SGCD: variants seen among roughly 807,000 people sequenced by gnomAD.
SGCD encodes the protein delta-sarcoglycan.
SGCD carries 18 observed loss-of-function variants against 36.6 expected under a neutral mutation model. The ratio of observed to expected loss-of-function variants is 0.49; its 90% CI spans 0.34 to 0.73. SGCD has a LOEUF of 0.73. SGCD is among the 30% of genes least tolerant of loss of function. The probability of loss-of-function intolerance (pLI) is 0.01; values close to 1 mark genes in which losing one functional copy is unlikely to be tolerated. For synonymous variants in SGCD, 133 were observed against 130.6 expected, an observed-to-expected ratio of 1.02 and a Z score of -0.12; for missense variants, 387 against 346.7, an observed-to-expected ratio of 1.12 and a Z score of -0.92.
At chr5:155,804,872 CAT>C in the SGCD span, among the ~76,000 whole-genome samples, 1 of 152,270 alleles carries the variant, frequency 6.6e-6, no homozygotes, top group East Asian at 1.9e-4. Context: ...ATGTACCAGA[CAT>C]GTGTAGGTTG....
In SGCD at chr5:156,729,464, C is replaced by T. The variant is rs150894262; in HGVS notation, c.576-28117C>T. Among the ~76,000 whole-genome samples the T allele has an allele frequency of 6.9e-3, 1,051 of 152,216 alleles. 6 individuals carry two copies. The highest frequency in any genetic ancestry group is 0.012 in the Non-Finnish European group (789 of 68,010). On this transcript the variant is annotated intron_variant, in intron 7 of 8. Transcript: ENST00000337851. ...GCTGTGAGCTCTCATGCTTTAGCTACGTGGAATTGATGATGGGATCTATCT... is the reference window on the plus strand; with the variant it reads ...GCTGTGAGCTCTCATGCTTTAGCTATGTGGAATTGATGATGGGATCTATCT...
At chr5:156,748,279 G>A (rs975590835) in intron 7 of SGCD, among the ~76,000 whole-genome samples, 5 of 152,080 alleles carry the variant, frequency 3.3e-5, no homozygotes, top group African/African-American at 1.2e-4. Context: ...TGGATGCGAT[G>A]GTGATTACCT....
intron 4 of SGCD, among the ~76,000 whole-genome samples, chr5:156,586,988 G>A (rs962630190): frequency 1.3e-5 from 2 of 152,046 alleles, no homozygotes; most frequent in Non-Finnish European, 2.9e-5. Flanking sequence ...TTTCACAGAT[G>A]CAGAAACTAA....
chr5:156,124,711 G>A (rs1190021079), intron 3 of SGCD, among the ~76,000 whole-genome samples: 1 of 151,988 alleles, frequency 6.6e-6, no homozygotes, highest in Admixed American at 6.6e-5. Flanking sequence ...GCGCACATGT[G>A]TATATGCATA....
At chr5:156,188,679 C>T (rs1763821821) in intron 3 of SGCD, among the ~76,000 whole-genome samples, 1 of 101,840 alleles carries the variant, frequency 9.8e-6, no homozygotes, top group Admixed American at 9.5e-5. Context: ...CCCCCCCCGA[C>T]ACACATACAC....
intron 3 of SGCD, among the ~76,000 whole-genome samples, chr5:156,484,328 C>CTA (rs1755565785): frequency 1.3e-5 from 2 of 152,164 alleles, no homozygotes; most frequent in Admixed American, 1.3e-4. Context: ...ATGCCATGTA[C>CTA]TACACTAGGT....
chr5:155,990,138 G>GA (rs1203671771), intron 1 of SGCD, among the ~76,000 whole-genome samples: 1 of 152,072 alleles, frequency 6.6e-6, no homozygotes, highest in African/African-American at 2.4e-5. Flanking sequence ...TCCATGTAGT[G>GA]AAAAAAGCAT....
intron 3 of SGCD, among the ~76,000 whole-genome samples, chr5:156,259,580 T>C (rs1327532900): frequency 6.6e-6 from 1 of 152,200 alleles, no homozygotes; most frequent in Non-Finnish European, 1.5e-5. Context: ...ATGTTTAGGT[T>C]TGTGATCCAT....
intron 1 of SGCD, among the ~76,000 whole-genome samples, chr5:155,993,592 G>A (rs6889789): frequency 0.017 from 2,597 of 152,120 alleles, 62 homozygotes; most frequent in African/African-American, 0.059. Context: ...TGATCCACCC[G>A]CCTCAGCCTT....
intron 6 of SGCD, among the ~76,000 whole-genome samples, chr5:156,601,098 G>T (rs1016464079): frequency 5.9e-5 from 9 of 152,088 alleles, no homozygotes; most frequent in Non-Finnish European, 1.0e-4. Context: ...GTAGTTGGTT[G>T]TCTCTTCTTT....
At chr5:156,487,788 C>CAAAAAAAAAAAA (rs56006984) in intron 3 of SGCD, among the ~76,000 whole-genome samples, 13 of 41,384 alleles carry the variant, frequency 3.1e-4, no homozygotes, top group Non-Finnish European at 4.4e-4. Context: ...ACTCTGTCAC[C>CAAAAAAAAAAAA]AAAAAAAAAA....
chr5:156,589,441 G>A (rs1760633607), intron 5 of SGCD, 123 bp downstream of exon 5: 4 of 608,608 alleles, frequency 6.6e-6, no homozygotes, highest in Non-Finnish European at 1.2e-5. Flanking sequence ...TGTTGAGAAA[G>A]AGAATGTAGC....
chr5:156,372,151 G>C (rs761292216), intron 3 of SGCD, among the ~76,000 whole-genome samples: 2 of 152,126 alleles, frequency 1.3e-5, no homozygotes, highest in Non-Finnish European at 2.9e-5. Context: ...GCCCTCTTTG[G>C]ACCTCAGCTA....
the SGCD span, among the ~76,000 whole-genome samples, chr5:155,750,262 G>T: frequency 2.1e-4 from 32 of 152,136 alleles, no homozygotes; most frequent in African/African-American, 2.9e-4. Context: ...AAATAGAAAA[G>T]ATATTTTTAC....
chr5:156,669,201 G>A (rs1046133066), intron 7 of SGCD, among the ~76,000 whole-genome samples: 14 of 152,052 alleles, frequency 9.2e-5, no homozygotes, highest in Non-Finnish European at 1.2e-4. Context: ...CACACCATTC[G>A]CAGCTGATCG....
At chr5:156,059,012 A>G (rs994041774) in intron 1 of SGCD, among the ~76,000 whole-genome samples, 2 of 146,344 alleles carry the variant, frequency 1.4e-5, no homozygotes, top group South Asian at 4.3e-4. Context: ...AGAATTATGC[A>G]CTGCAAATTG....
At chr5:156,136,392 G>A (rs1762456895) in intron 3 of SGCD, among the ~76,000 whole-genome samples, 1 of 152,218 alleles carries the variant, frequency 6.6e-6, no homozygotes, top group Admixed American at 6.5e-5. Flanking sequence ...GATTATAGGT[G>A]TGAGTCATTA....
At chr5:156,648,879 G>A (rs1037770439) in intron 7 of SGCD, among the ~76,000 whole-genome samples, 2 of 152,108 alleles carry the variant, frequency 1.3e-5, no homozygotes, top group African/African-American at 4.8e-5. Context: ...CTTCGTGTCT[G>A]TGATGGAAGA....
chr5:156,167,121 G>T (rs1763232699), intron 3 of SGCD, among the ~76,000 whole-genome samples: 1 of 151,916 alleles, frequency 6.6e-6, no homozygotes, highest in Non-Finnish European at 1.5e-5. Flanking sequence ...AATCACCTTT[G>T]CTTCCCAGTT....
Sources: gnomAD v4.1 joint callset for allele counts (sites outside exome capture counted in the v4.1 genomes callset) on GRCh38, gnomAD v4.1.1 for gene constraint, MANE v1.5 for transcripts, NCBI Gene and HGNC (gene_info 2026-07-23, HGNC 2026-07-21) for gene names.